UNC79: variants seen among roughly 807,000 people sequenced by gnomAD.
UNC79 encodes protein unc-79 homolog.
A neutral mutation model predicts 283.1 loss-of-function variants in UNC79; 37 were observed. The observed-to-expected ratio is 0.13, with a 90% CI of 0.10 to 0.17. The LOEUF is 0.17. UNC79 is among the 10% of genes least tolerant of loss of function. The probability of loss-of-function intolerance (pLI) is 1.00; values close to 1 mark genes in which losing one functional copy is unlikely to be tolerated. For synonymous variants in UNC79, 1,107 were observed against 1,200.2 expected (o/e 0.92, Z 1.61); for missense variants, 2,272 against 3,211.1 (o/e 0.71, Z 7.07).
rs267604102 is a variant in UNC79 at position 93,621,716 on chromosome 14, C to T, written c.4483C>T (p.Arg1495Cys). 8.7e-6 allele frequency: 14 copies of T among 1,613,680 alleles called. No homozygotes were observed. Among genetic ancestry groups the T allele is most frequent in the Middle Eastern group, 1.6e-4 (1 of 6,084 alleles). ...AGAAAGCATTCCGAAAAAAAAGCTA[C>T]GCTCTTTCAAACAAAAATCTCTTGA... is the stretch of plus-strand genomic sequence containing the variant. Residue 1495 changes from arginine (R) to cysteine (C), a missense_variant, in exon 30 of 49, where the codon CGC (arginine) becomes TGC (cysteine). Around this residue, in one of 11 missense-constraint regions of UNC79, gnomAD observed 580 missense variants for 632.2 expected, o/e 0.92. Transcript: ENST00000555664. The surrounding 1 kb of genome is among the most constrained non-coding windows in gnomAD (Gnocchi z 4.8).
chr14:93,467,321 A>G (rs2057237382), intron 1 of UNC79, among the ~76,000 whole-genome samples: 1 of 152,122 alleles, frequency 6.6e-6, no homozygotes, highest in East Asian at 1.9e-4. Context: ...TTATTTTGCT[A>G]ATAATAAGCC....
chr14:93,589,281 T>C (rs1333549185), intron 22 of UNC79, among the ~76,000 whole-genome samples: 5 of 152,016 alleles, frequency 3.3e-5, no homozygotes, highest in African/African-American at 1.2e-4. Context: ...GATATGGTTA[T>C]GATGGAAGCT....
chr14:93,468,088 A>G, intron 2 of UNC79, among the ~76,000 whole-genome samples: 1 of 152,302 alleles, frequency 6.6e-6, no homozygotes, highest in East Asian at 1.9e-4. Context: ...GATTAAAAGG[A>G]TAGCCTACAA....
At chr14:93,500,246 A>C (rs913063272) in intron 7 of UNC79, among the ~76,000 whole-genome samples, 1 of 152,148 alleles carries the variant, frequency 6.6e-6, no homozygotes, top group Non-Finnish European at 1.5e-5. Context: ...CTACAACCAG[A>C]GCAACTTTCA....
intron 33 of UNC79, among the ~76,000 whole-genome samples, chr14:93,643,324 A>G (rs1021640744): frequency 1.3e-5 from 2 of 152,152 alleles, no homozygotes; most frequent in Non-Finnish European, 2.9e-5. Context: ...TGGGGAACTG[A>G]AAGAACATTT....
intron 5 of UNC79, among the ~76,000 whole-genome samples, chr14:93,494,954 A>G (rs1452711254): frequency 6.6e-6 from 1 of 152,164 alleles, no homozygotes. Flanking sequence ...TATAACTACA[A>G]AACAGGTAAT....
intron 1 of UNC79, among the ~76,000 whole-genome samples, chr14:93,349,711 C>T (rs1038027982): frequency 6.6e-6 from 1 of 152,150 alleles, no homozygotes; most frequent in Non-Finnish European, 1.5e-5. Context: ...AAAGTGTTTT[C>T]TCACACCAAT....
intron 12 of UNC79, among the ~76,000 whole-genome samples, chr14:93,539,639 G>A (rs908269404): frequency 1.3e-5 from 2 of 152,104 alleles, no homozygotes; most frequent in Admixed American, 6.5e-5. Context: ...TACAATTAAT[G>A]TTTGTCAAAT....
chr14:93,374,029 T>C (rs1281609959), intron 1 of UNC79, among the ~76,000 whole-genome samples: 1 of 151,908 alleles, frequency 6.6e-6, no homozygotes, highest in Non-Finnish European at 1.5e-5. Flanking sequence ...TTTCAAAAGA[T>C]GTCACTGAAA....
chr14:93,375,760 C>CTA (rs2054543564), intron 1 of UNC79, among the ~76,000 whole-genome samples: 2 of 152,044 alleles, frequency 1.3e-5, no homozygotes, highest in Admixed American at 1.3e-4. Flanking sequence ...GGAACAGCAC[C>CTA]AAGGGGATGG....
intron 1 of UNC79, among the ~76,000 whole-genome samples, chr14:93,385,086 T>A (rs1344859065): frequency 6.6e-6 from 1 of 152,230 alleles, no homozygotes; most frequent in Admixed American, 6.5e-5. Context: ...TTACTATAGC[T>A]CTGTAGTGTA....
At chr14:93,655,082 C>A in intron 37 of UNC79, 152 bp from the exon 41 acceptor site, 1 of 723,790 alleles carries the variant, frequency 1.4e-6, no homozygotes, top group Non-Finnish European at 2.1e-6. Flanking sequence ...TTCTCGTTAT[C>A]CTTCCAGTCT....
At chr14:93,516,237 C>T (rs767589239) in intron 7 of UNC79, among the ~76,000 whole-genome samples, 17 of 151,838 alleles carry the variant, frequency 1.1e-4, no homozygotes, top group South Asian at 4.2e-4. Flanking sequence ...TGTAGCTTTA[C>T]GGTGTATTTT....
At chr14:93,600,542 C>CTTT in intron 24 of UNC79, 27 bp from the exon 25 acceptor site, 2 of 1,190,402 alleles carry the variant, frequency 1.7e-6, no homozygotes, top group Non-Finnish European at 2.3e-6. Flanking sequence ...TTCTTCTTTT[C>CTTT]TTTTTTTTTT....
intron 40 of UNC79, among the ~76,000 whole-genome samples, chr14:93,663,503 A>T (rs2071817362): frequency 6.6e-6 from 1 of 152,086 alleles, no homozygotes; most frequent in Non-Finnish European, 1.5e-5. Flanking sequence ...TTTCTTATTC[A>T]TGTTGTCCAT....
chr14:93,455,912 TTGTGTGTGTGTG>T (rs10654684), intron 1 of UNC79, among the ~76,000 whole-genome samples: 3 of 144,128 alleles, frequency 2.1e-5, no homozygotes, highest in Non-Finnish European at 4.6e-5. Flanking sequence ...GTACAATGGA[TTGTGTGTGTGTG>T]TGTGTGTGTG....
At chr14:93,549,156 T>G (rs1182623295) in intron 14 of UNC79, among the ~76,000 whole-genome samples, 1 of 152,214 alleles carries the variant, frequency 6.6e-6, no homozygotes, top group Admixed American at 6.5e-5. Flanking sequence ...AGATTTTCAG[T>G]GAATACCTGC....
intron 4 of UNC79, among the ~76,000 whole-genome samples, chr14:93,483,340 G>C (rs1005364412): frequency 1.3e-5 from 2 of 152,096 alleles, no homozygotes; most frequent in African/African-American, 4.8e-5. Context: ...GTCCAGTAGA[G>C]TAGCCACTAG....
At chr14:93,626,985 G>C (rs1212894772) in intron 30 of UNC79, among the ~76,000 whole-genome samples, 3 of 152,150 alleles carry the variant, frequency 2.0e-5, no homozygotes, top group Non-Finnish European at 4.4e-5. Context: ...GAAGTTGGAG[G>C]CTGTAGTGTG....
Sources: gnomAD v4.1 joint callset for allele counts (sites outside exome capture counted in the v4.1 genomes callset) on GRCh38, gnomAD v4.1.1 for gene constraint, gnomAD v4.1.1 regional missense constraint, Gnocchi (gnomAD v3.1) non-coding constraint, MANE v1.5 for transcripts, NCBI Gene and HGNC (gene_info 2026-07-23, HGNC 2026-07-21) for gene names.